PCDH9: variants seen among roughly 807,000 people sequenced by gnomAD.
PCDH9 encodes protocadherin 9, also known as protocadherin-9.
Under a neutral mutation model 70.6 loss-of-function variants are expected in PCDH9, and 24 were observed. That is an observed-to-expected ratio of 0.34 (90% CI 0.25 to 0.48). The LOEUF is 0.48. Ranked by LOEUF, PCDH9 falls within the 20% of genes least tolerant of loss-of-function variation. The pLI, the probability that PCDH9 is intolerant of heterozygous loss-of-function variation, is 0.99. For missense variants in PCDH9, 1,281 were observed against 1,503.6 expected (o/e 0.85, Z 2.45); for synonymous variants, 562 against 558.5 (o/e 1.01, Z -0.09).
At chr13:67,176,943 T>C (rs966507955) in intron 2 of PCDH9, among the ~76,000 whole-genome samples, 1 of 152,124 alleles carries the variant, frequency 6.6e-6, no homozygotes, top group South Asian at 2.1e-4. Flanking sequence ...GTACAACAGT[T>C]GAGTTGCCTT....
intron 3 of PCDH9, among the ~76,000 whole-genome samples, chr13:66,898,623 CA>C (rs777890940): frequency 3.3e-5 from 5 of 151,576 alleles, no homozygotes; most frequent in Non-Finnish European, 7.4e-5. Context: ...CATAATACAG[CA>C]ATAACAGGAA....
chr13:66,360,296 G>A (rs1012401781), intron 4 of PCDH9, among the ~76,000 whole-genome samples: 8 of 152,180 alleles, frequency 5.3e-5, no homozygotes, highest in East Asian at 3.9e-4. Context: ...CAGGTTGTAA[G>A]TTTAATAACA....
intron 2 of PCDH9, among the ~76,000 whole-genome samples, chr13:67,109,691 T>G (rs1322794081): frequency 2.6e-5 from 4 of 152,234 alleles, no homozygotes; most frequent in Admixed American, 6.5e-5. Context: ...TAAATCGATT[T>G]TCAAGCTATT....
chr13:67,210,845 T>C, intron 2 of PCDH9: 1 of 152,040 alleles, frequency 6.6e-6, no homozygotes, highest in Non-Finnish European at 1.5e-5. Flanking sequence ...ATACATTGCA[T>C]AGTCACTTAT....
intron 2 of PCDH9, among the ~76,000 whole-genome samples, chr13:66,906,337 T>G (rs1458040229): frequency 6.6e-6 from 1 of 152,164 alleles, no homozygotes; most frequent in Non-Finnish European, 1.5e-5. Flanking sequence ...AGTTCAAACA[T>G]GAAGAATGTG....
At chr13:66,894,549 C>T (rs1040746589) in intron 3 of PCDH9, among the ~76,000 whole-genome samples, 1 of 152,088 alleles carries the variant, frequency 6.6e-6, no homozygotes, top group South Asian at 2.1e-4. Flanking sequence ...TTAGATACTA[C>T]AGAGCCAATG....
At chr13:66,768,421 T>A (rs2139267513) in intron 3 of PCDH9, among the ~76,000 whole-genome samples, 1 of 152,186 alleles carries the variant, frequency 6.6e-6, no homozygotes, top group African/African-American at 2.4e-5. Flanking sequence ...TCAATAAATT[T>A]AAGGATGAGA....
intron 4 of PCDH9, among the ~76,000 whole-genome samples, chr13:66,390,144 C>G (rs1387861692): frequency 6.6e-6 from 1 of 152,226 alleles, no homozygotes; most frequent in Admixed American, 6.5e-5. Flanking sequence ...ATCTGTTCTT[C>G]AAAGTGCTAA....
chr13:67,199,385 T>C (rs183295208), intron 2 of PCDH9, among the ~76,000 whole-genome samples: 2 of 152,000 alleles, frequency 1.3e-5, no homozygotes, highest in Non-Finnish European at 2.9e-5. Context: ...TCTTCTCACT[T>C]AAAAATCACT....
chr13:66,460,109 G>A (rs1351299903), intron 4 of PCDH9, among the ~76,000 whole-genome samples: 2 of 151,712 alleles, frequency 1.3e-5, no homozygotes, highest in African/African-American at 4.8e-5. Context: ...TTTGTGACAG[G>A]TAATGACTTC....
intron 4 of PCDH9, among the ~76,000 whole-genome samples, chr13:66,570,147 A>T (rs796494413): frequency 3.9e-5 from 6 of 152,252 alleles, no homozygotes; most frequent in African/African-American, 1.4e-4. Context: ...GAAGGAAAAA[A>T]ACCCATATAA....
chr13:67,096,236 C>T (rs9540996), intron 2 of PCDH9, among the ~76,000 whole-genome samples: 3 of 151,974 alleles, frequency 2.0e-5, no homozygotes, highest in Non-Finnish European at 4.4e-5. Context: ...ATGCACTTTC[C>T]TTATCAGTTT....
chr13:66,350,026 T>C (rs1956269374), intron 4 of PCDH9, among the ~76,000 whole-genome samples: 1 of 152,148 alleles, frequency 6.6e-6, no homozygotes, highest in South Asian at 2.1e-4. Flanking sequence ...ATCGGTCACG[T>C]CACATTCCAC....
chr13:66,528,615 C>T (rs35299535), intron 4 of PCDH9, among the ~76,000 whole-genome samples: 134 of 152,126 alleles, frequency 8.8e-4, no homozygotes, highest in Non-Finnish European at 1.7e-3. Flanking sequence ...TTATTTAAGT[C>T]GGAGTAACCT....
chr13:66,870,609 T>C (rs1438614837), intron 3 of PCDH9, among the ~76,000 whole-genome samples: 1 of 152,144 alleles, frequency 6.6e-6, no homozygotes, highest in African/African-American at 2.4e-5. Flanking sequence ...AAAGAGGTTA[T>C]TTATGCAGCC....
At position 66,398,958 on chromosome 13, in the gene PCDH9, A is replaced by G. The variant is rs550983721; in HGVS notation, c.3341-93930T>C. Among the ~76,000 whole-genome samples the G allele has an allele frequency of 1.3e-4, 20 of 152,316 alleles. No individual in the cohort carries two copies. The East Asian group carries it at 3.1e-3, about 23-fold the overall frequency. The stretch of plus-strand genomic sequence containing the variant: ...CATTAAATCAGTGGCCCTGAATAGC[A>G]CTGTGCAGGGGGAAAAAGCTTTGTA... On this transcript the variant is annotated intron_variant, in intron 4 of 4. Transcript: ENST00000377865.
intron 4 of PCDH9, among the ~76,000 whole-genome samples, chr13:66,482,362 C>T (rs773087565): frequency 6.6e-6 from 1 of 152,118 alleles, no homozygotes; most frequent in Admixed American, 6.5e-5. Flanking sequence ...CTGAAAGCAG[C>T]CTTAGCCACT....
chr13:66,509,241 T>A (rs1566379048), intron 4 of PCDH9, among the ~76,000 whole-genome samples: 1 of 152,188 alleles, frequency 6.6e-6, no homozygotes, highest in Non-Finnish European at 1.5e-5. Context: ...TTTCTCTGAC[T>A]CTTTAAAATG....
At chr13:66,634,049 T>A (rs375090499) in intron 3 of PCDH9, among the ~76,000 whole-genome samples, 1 of 152,198 alleles carries the variant, frequency 6.6e-6, no homozygotes, top group East Asian at 1.9e-4. Context: ...CACTACACTA[T>A]TTTTCTTTAG....
Sources: gnomAD v4.1 joint callset for allele counts (sites outside exome capture counted in the v4.1 genomes callset) on GRCh38, gnomAD v4.1.1 for gene constraint, MANE v1.5 for transcripts, NCBI Gene and HGNC (gene_info 2026-07-23, HGNC 2026-07-21) for gene names.